Variants in GMPR observed in about 807,000 individuals in gnomAD.
GMPR encodes the protein guanosine monophosphate reductase.
GMPR carries 31 observed loss-of-function variants against 38.4 expected under a neutral mutation model. The observed-to-expected ratio is 0.81, with a 90% confidence interval of 0.61 to 1.09. The LOEUF (loss-of-function observed/expected upper bound fraction) is 1.09. Among genes scored for constraint, GMPR ranks in the 50% least tolerant of loss-of-function variants. GMPR has a pLI of 0.00. For missense variants in GMPR, 468 were observed against 453.7 expected (o/e 1.03, Z -0.29); for synonymous variants, 162 against 173.3 (o/e 0.93, Z 0.51).
chr6:16,274,065 C>G (rs574460787), intron 4 of GMPR, among the ~76,000 whole-genome samples: 1 of 152,252 alleles, frequency 6.6e-6, no homozygotes, highest in South Asian at 2.1e-4. Flanking sequence ...CTGCCTGCTT[C>G]GGGCTCCCAA....
intron 6 of GMPR, among the ~76,000 whole-genome samples, chr6:16,284,093 T>TGCTCTGTGGC (rs1416764753): frequency 6.6e-6 from 1 of 152,234 alleles, no homozygotes; most frequent in Non-Finnish European, 1.5e-5. Context: ...TATTCCTCAG[T>TGCTCTGTGGC]GCTCTGTGGC....
chr6:16,242,592 C>T (rs146568496), intron 1 of GMPR, among the ~76,000 whole-genome samples: 33 of 152,118 alleles, frequency 2.2e-4, no homozygotes, highest in Admixed American at 6.5e-4. Flanking sequence ...ACATGAGGTT[C>T]TCCCTATGTG....
At chr6:16,262,474 A>T (rs1759106113) in intron 4 of GMPR, 3 of 151,842 alleles carry the variant, frequency 2.0e-5, no homozygotes, top group Non-Finnish European at 4.4e-5. Flanking sequence ...CTGGGGGAGG[A>T]GGTTCTGGAG....
At position 16,267,035 on chromosome 6, in the gene GMPR, C is replaced by T. The variant is rs566882207; in HGVS notation, c.466-7380C>T. 5.4e-4 allele frequency among the ~76,000 whole-genome samples: 81 copies of T among 149,846 alleles called. 2 individuals are homozygous for T. The highest frequency in any genetic ancestry group is 1.8e-3 in the African/African-American group (73 of 40,680). Reference sequence around the variant, plus strand: ...CCTTTAAGAGCTGTAACACTCCCTGCGAAAAAGGTGGCACGTCGGACGTGC... The same window carrying T: ...CCTTTAAGAGCTGTAACACTCCCTGTGAAAAAGGTGGCACGTCGGACGTGC... On this transcript the variant is annotated intron_variant, in intron 4 of 8. Coordinates refer to ENST00000259727, the MANE Select transcript of GMPR (RefSeq NM_006877.4).
intron 4 of GMPR, among the ~76,000 whole-genome samples, chr6:16,274,039 C>T (rs1280065464): frequency 6.6e-6 from 1 of 152,098 alleles, no homozygotes; most frequent in Middle Eastern, 3.2e-3. Context: ...TGGTCTCAAT[C>T]TCTTGACCTC....
intron 3 of GMPR, among the ~76,000 whole-genome samples, chr6:16,253,855 G>A (rs78207401): frequency 6.6e-6 from 1 of 152,092 alleles, no homozygotes; most frequent in African/African-American, 2.4e-5. Context: ...GAAACTTTTG[G>A]TTCTTGCTTA....
rs542138443 is a variant in GMPR at position 16,267,863 on chromosome 6, C to T, written c.466-6552C>T. Among the ~76,000 whole-genome samples, 35 of 152,330 alleles carry T rather than the reference C, an allele frequency of 2.3e-4. No homozygotes were observed. In the East Asian group the frequency reaches 6.6e-3, roughly 29 times the overall value. ...GCAATGCCGTGTCAGCTGCTGCGGG[C>T]AGATCTCCGGGAGCCATGGGCTGGA... On this transcript the variant is annotated intron_variant, in intron 4 of 8. Coordinates refer to ENST00000259727, the MANE Select transcript of GMPR (RefSeq NM_006877.4).
intron 4 of GMPR, among the ~76,000 whole-genome samples, chr6:16,266,237 C>T (rs1158763237): frequency 6.6e-6 from 1 of 151,606 alleles, no homozygotes; most frequent in Non-Finnish European, 1.5e-5. Flanking sequence ...CCGCGCGCAC[C>T]ACCTTTAAGA....
chr6:16,246,599 TAGA>T (rs956953300), intron 1 of GMPR, among the ~76,000 whole-genome samples: 6 of 152,068 alleles, frequency 3.9e-5, no homozygotes, highest in Admixed American at 3.9e-4. Context: ...GGGAAGTGGA[TAGA>T]AGGAGGCAGT....
chr6:16,289,068 G>C (rs538578410), intron 7 of GMPR, among the ~76,000 whole-genome samples: 4 of 152,256 alleles, frequency 2.6e-5, no homozygotes, highest in African/African-American at 9.6e-5. Flanking sequence ...TCTTTGGGAG[G>C]GTGATTTGTT....
In GMPR at chr6:16,276,532, T is replaced by A. The variant is rs145211710; in HGVS notation, c.547+2036T>A. Among the ~76,000 whole-genome samples, 213 of 152,288 alleles carry A rather than the reference T, an allele frequency of 1.4e-3. 4 individuals carry two copies. The East Asian group carries it at 0.037, about 26-fold the overall frequency. On this transcript the variant is annotated intron_variant, in intron 5 of 8. Coordinates refer to ENST00000259727, the MANE Select transcript of GMPR (RefSeq NM_006877.4). ...ACTACACTTGTTTTCTTCTTGCACA[T>A]CTCTGTGTCTGCATTCTATTTCCCC...
At chr6:16,261,806 G>A (rs994388946) in intron 4 of GMPR, among the ~76,000 whole-genome samples, 1 of 151,940 alleles carries the variant, frequency 6.6e-6, no homozygotes, top group Non-Finnish European at 1.5e-5. Flanking sequence ...CGGTCACCAA[G>A]GAGGGAGTAG....
intron 4 of GMPR, among the ~76,000 whole-genome samples, chr6:16,266,395 A>C (rs1581656429): frequency 7.9e-6 from 1 of 125,822 alleles, no homozygotes; most frequent in South Asian, 2.8e-4. Context: ...CGGACGTGCC[A>C]CCTTTAAGAG....
chr6:16,271,922 A>C (rs538665254), intron 4 of GMPR, among the ~76,000 whole-genome samples: 146 of 151,892 alleles, frequency 9.6e-4, no homozygotes, highest in African/African-American at 3.1e-3. Flanking sequence ...CTGTCAAACC[A>C]CTCTTAGGCT....
chr6:16,289,376 CA>C (rs1167227620), intron 7 of GMPR: 2 of 152,274 alleles, frequency 1.3e-5, no homozygotes, highest in Non-Finnish European at 2.9e-5. Flanking sequence ...GATCCATGAA[CA>C]AAATGGGGAA....
At position 16,295,349 on chromosome 6, in the gene GMPR, G is replaced by A. The variant is rs1030755255; in HGVS notation, c.*163G>A. 4.0e-5 allele frequency: 21 copies of A among 521,136 alleles called. No homozygotes were observed. Among genetic ancestry groups the A allele is most frequent in the East Asian group, 3.5e-5 (1 of 28,628 alleles). 32.3% of individuals were successfully genotyped at this position (521,136 alleles called of 1,614,324 possible). A position where few individuals can be genotyped will look rare whatever the true frequency, so the allele number is the denominator to read the frequency against. ...TGCCTGGAGGCTTCGGGGCTCTCCC[G>A]CCTGCCTTCTCGGGGCCCAGACGCA... On this transcript the variant is annotated 3_prime_UTR_variant, in exon 9 of 9. Transcript: ENST00000259727.
intron 7 of GMPR, among the ~76,000 whole-genome samples, chr6:16,288,991 T>TG (rs1759760394): frequency 1.3e-5 from 2 of 152,238 alleles, no homozygotes; most frequent in African/African-American, 4.8e-5. Flanking sequence ...AGGATATGGG[T>TG]GGGGCCAGAT....
intron 4 of GMPR, chr6:16,264,461 T>G (rs1476337586): frequency 5.8e-6 from 1 of 171,362 alleles, no homozygotes; most frequent in Non-Finnish European, 1.2e-5. Context: ...GGTCCCCCGA[T>G]CTGAGTCACG....
At chr6:16,288,361 C>G (rs1759738651) in intron 7 of GMPR, among the ~76,000 whole-genome samples, 1 of 152,170 alleles carries the variant, frequency 6.6e-6, no homozygotes, top group African/African-American at 2.4e-5. Flanking sequence ...GGCCGGCTGG[C>G]CCTGCCGGCC....
Sources: gnomAD v4.1 joint callset for allele counts (sites outside exome capture counted in the v4.1 genomes callset) on GRCh38, gnomAD v4.1.1 for gene constraint, MANE v1.5 for transcripts, NCBI Gene and HGNC (gene_info 2026-07-23, HGNC 2026-07-21) for gene names.